TTC17: variants seen among roughly 807,000 people sequenced by gnomAD.
TTC17 encodes the protein tetratricopeptide repeat protein 17.
A neutral mutation model predicts 143.8 loss-of-function variants in TTC17; 58 were observed. The observed-to-expected ratio is 0.40, with a 90% CI of 0.33 to 0.50. The LOEUF is 0.50. TTC17 is among the 20% of genes least tolerant of loss of function. TTC17 has a pLI of 0.49. For missense variants in TTC17, 1,273 were observed against 1,392.5 expected, an observed-to-expected ratio of 0.91 and a Z score of 1.37; for synonymous variants, 501 against 497.8, an observed-to-expected ratio of 1.01 and a Z score of -0.09.
At chr11:43,379,145 A>G in intron 1 of TTC17, 88 bp from the exon 2 acceptor site, 2 of 1,199,716 alleles carry the variant, frequency 1.7e-6, no homozygotes, top group Admixed American at 1.9e-5. Flanking sequence ...TGGCGAATGA[A>G]CAATAATTTA....
At chr11:43,472,088 G>A (rs759744111) in intron 21 of TTC17, among the ~76,000 whole-genome samples, 1 of 152,178 alleles carries the variant, frequency 6.6e-6, no homozygotes, top group Non-Finnish European at 1.5e-5. Context: ...CAGGCACAGT[G>A]GATCATGCCT....
chr11:43,412,919 A>G (rs985805079), intron 15 of TTC17, among the ~76,000 whole-genome samples: 2 of 151,952 alleles, frequency 1.3e-5, no homozygotes, highest in Admixed American at 1.3e-4. Flanking sequence ...TAGTAATTGC[A>G]TATATGTGTT....
At chr11:43,462,590 G>C (rs996857741) in intron 21 of TTC17, among the ~76,000 whole-genome samples, 1 of 152,212 alleles carries the variant, frequency 6.6e-6, no homozygotes, top group Non-Finnish European at 1.5e-5. Flanking sequence ...TGGACCTCCT[G>C]CCTTAAGAGC....
At chr11:43,484,125 G>A (rs1196116988) in intron 21 of TTC17, among the ~76,000 whole-genome samples, 1 of 152,168 alleles carries the variant, frequency 6.6e-6, no homozygotes, top group Admixed American at 6.5e-5. Flanking sequence ...CTGGGCGAGA[G>A]AGCGAGACTC....
intron 16 of TTC17, among the ~76,000 whole-genome samples, chr11:43,428,098 A>G (rs569382235): frequency 6.6e-6 from 1 of 152,320 alleles, no homozygotes; most frequent in South Asian, 2.1e-4. Flanking sequence ...CTGGTCCAGT[A>G]GGAGCTAACA....
At chr11:43,420,949 A>G (rs2134645120) in intron 16 of TTC17, among the ~76,000 whole-genome samples, 1 of 152,310 alleles carries the variant, frequency 6.6e-6, no homozygotes, top group East Asian at 1.9e-4. Context: ...GTTTTCTTTC[A>G]ACCAAAGAAA....
intron 15 of TTC17, among the ~76,000 whole-genome samples, chr11:43,412,873 C>G (rs1474725324): frequency 6.6e-6 from 1 of 152,000 alleles, no homozygotes; most frequent in Non-Finnish European, 1.5e-5. Flanking sequence ...CTCTGTAAAT[C>G]AATTTATAGA....
chr11:43,419,750 G>A (rs1033454150), intron 16 of TTC17, among the ~76,000 whole-genome samples: 2 of 152,122 alleles, frequency 1.3e-5, no homozygotes, highest in Admixed American at 1.3e-4. Context: ...GCTATTCACA[G>A]ACTCTATCAT....
chr11:43,386,785 T>G (rs1187435000), intron 2 of TTC17, among the ~76,000 whole-genome samples: 1 of 152,162 alleles, frequency 6.6e-6, no homozygotes, highest in Admixed American at 6.5e-5. Context: ...ATGTATTTAT[T>G]TATTTATTTA....
At chr11:43,401,920 G>A (rs1352285336) in intron 10 of TTC17, among the ~76,000 whole-genome samples, 2 of 151,842 alleles carry the variant, frequency 1.3e-5, no homozygotes, top group Non-Finnish European at 2.9e-5. Context: ...CAAAGCTGTA[G>A]TGAACCCAGA....
intron 19 of TTC17, chr11:43,449,819 T>A: frequency 2.5e-6 from 1 of 395,916 alleles, no homozygotes; most frequent in Non-Finnish European, 4.6e-6. Context: ...TTTAGGTAAC[T>A]TTTTCTGTGG....
At chr11:43,490,992 C>G (rs551370159) in intron 22 of TTC17, 1 of 151,184 alleles carries the variant, frequency 6.6e-6, no homozygotes, top group East Asian at 2.0e-4. Flanking sequence ...GTTCTGAGTT[C>G]TGCATTAATC....
At chr11:43,412,207 G>A (rs1033159549) in intron 15 of TTC17, among the ~76,000 whole-genome samples, 39 of 152,280 alleles carry the variant, frequency 2.6e-4, no homozygotes, top group African/African-American at 9.4e-4. Flanking sequence ...CATCAGATCT[G>A]CTGTGGTGGC....
At chr11:43,488,532 G>A (rs1948418288) in intron 21 of TTC17, among the ~76,000 whole-genome samples, 1 of 151,138 alleles carries the variant, frequency 6.6e-6, no homozygotes, top group Non-Finnish European at 1.5e-5. Flanking sequence ...GGAGAGAGGT[G>A]AATTATTAAT....
At chr11:43,360,049 C>G (rs1856034908) in intron 1 of TTC17, among the ~76,000 whole-genome samples, 2 of 152,116 alleles carry the variant, frequency 1.3e-5, no homozygotes, top group South Asian at 2.1e-4. Context: ...AATTGTGTGC[C>G]CCATGCAATT....
intron 1 of TTC17, among the ~76,000 whole-genome samples, chr11:43,371,355 G>A (rs1221449390): frequency 6.6e-6 from 1 of 152,190 alleles, no homozygotes; most frequent in Non-Finnish European, 1.5e-5. Context: ...TAACCAACCA[G>A]CTTCAAGTTG....
chr11:43,454,936 A>G (rs552851656), intron 21 of TTC17, among the ~76,000 whole-genome samples: 1 of 152,116 alleles, frequency 6.6e-6, no homozygotes, highest in Non-Finnish European at 1.5e-5. Context: ...ATCTTATTAG[A>G]TATATCAAAC....
chr11:43,363,684 A>C (rs1415361107), intron 1 of TTC17, among the ~76,000 whole-genome samples: 1 of 152,088 alleles, frequency 6.6e-6, no homozygotes, highest in Non-Finnish European at 1.5e-5. Context: ...ATGTAGTACA[A>C]CTCCTAAGAG....
chr11:43,435,849 T>C (rs1283671000), intron 16 of TTC17, among the ~76,000 whole-genome samples: 2 of 152,262 alleles, frequency 1.3e-5, no homozygotes, highest in Non-Finnish European at 2.9e-5. Context: ...ATGATATTTC[T>C]AACTTCAAGA....
Sources: gnomAD v4.1 joint callset for allele counts (sites outside exome capture counted in the v4.1 genomes callset) on GRCh38, gnomAD v4.1.1 for gene constraint, MANE v1.5 for transcripts, NCBI Gene and HGNC (gene_info 2026-07-23, HGNC 2026-07-21) for gene names.